The following GPSM1 variants were observed in gnomAD, a reference collection of about 807,000 sequenced individuals.
The protein encoded by GPSM1 is G protein-signaling modulator 1.
GPSM1 carries 48 observed loss-of-function variants against 70.5 expected under a neutral mutation model. The ratio of observed to expected loss-of-function variants is 0.68; its 90% CI spans 0.54 to 0.87. The LOEUF (loss-of-function observed/expected upper bound fraction) is 0.87. Ranked by LOEUF, GPSM1 falls within the 40% of genes least tolerant of loss-of-function variation. GPSM1 has a pLI of 0.00. For missense variants in GPSM1, 981 were observed against 972.6 expected (o/e 1.01, Z -0.11); for synonymous variants, 416 against 430.1 (o/e 0.97, Z 0.41).
chr9:136,345,294 G>C (rs1308083848), intron 9 of GPSM1, among the ~76,000 whole-genome samples: 2 of 152,218 alleles, frequency 1.3e-5, no homozygotes, highest in East Asian at 1.9e-4. Context: ...GCGGTGCTGG[G>C]AGAAGTTTCC....
At chr9:136,335,610 A>G (rs28712661) in intron 2 of GPSM1, among the ~76,000 whole-genome samples, 52,777 of 151,806 alleles carry the variant, frequency 0.35, 10,529 homozygotes, top group Middle Eastern at 0.48. Flanking sequence ...GTTCTCCACC[A>G]TCAGGCCCCC....
chr9:136,337,825 G>T, intron 5 of GPSM1, 21 bp from the exon 6 acceptor site: 2 of 1,571,550 alleles, frequency 1.3e-6, no homozygotes, highest in Non-Finnish European at 1.7e-6. Context: ...TGACCACCTG[G>T]CCTCCGGTGT....
chr9:136,342,803 G>A lies in GPSM1; in HGVS notation c.1207+1810G>A, dbSNP rs987686476. Among the ~76,000 whole-genome samples, 73 of 152,168 alleles carry A rather than the reference G, an allele frequency of 4.8e-4. No individual in the cohort carries two copies. Among genetic ancestry groups the A allele is most frequent in the African/African-American group, 1.7e-3 (70 of 41,526 alleles). ...GAGCCGCGCTAGAGCCTGGCCGTGCGGAGGGGGCGCCAGGGCTGGGGGCAC... is the reference window on the plus strand; with the variant it reads ...GAGCCGCGCTAGAGCCTGGCCGTGCAGAGGGGGCGCCAGGGCTGGGGGCAC... On this transcript the variant is annotated intron_variant, in intron 9 of 13. Coordinates refer to ENST00000440944, the MANE Select transcript of GPSM1 (RefSeq NM_001145638.3). This position sits in a 1 kb window ranked among gnomAD's most constrained non-coding sequence, Gnocchi z 5.5.
Position 136,356,558 on chromosome 9 carries a change from G to A in GPSM1, c.1821+8G>A, listed in dbSNP as rs1206341559. ...ATGCTCATCAAGTACCAGGTGGGCTGCGGCCCTGGGCGGGCGTGGCTCGCG... is the reference window on the plus strand; with the variant it reads ...ATGCTCATCAAGTACCAGGTGGGCTACGGCCCTGGGCGGGCGTGGCTCGCG... On this transcript the variant is annotated splice_region_variant and intron_variant, in intron 13 of 13. Transcript: ENST00000440944. 1 of 1,593,838 alleles carries A rather than the reference G, an allele frequency of 6.3e-7. No homozygotes were observed. The highest frequency in any genetic ancestry group is 8.6e-7 in the Non-Finnish European group (1 of 1,165,426).
intron 1 of GPSM1, 23 bp downstream of exon 1, chr9:136,327,786 C>CG: frequency 9.5e-7 from 1 of 1,050,744 alleles, no homozygotes; most frequent in Non-Finnish European, 1.2e-6. Flanking sequence ...GGGGCCGGGG[C>CG]CGGGGCCGGG....
rs1554770575 is a variant in GPSM1, at chr9:136,342,850, G to T, written c.1207+1857G>T. ...GCACAGGAGGGCGCTGCCCAGCGGG[G>T]TGTGGGCAGGGAGGAGGAAGTCGTC... On this transcript the variant is annotated intron_variant, in intron 9 of 13. Coordinates refer to ENST00000440944, the MANE Select transcript of GPSM1 (RefSeq NM_001145638.3). The surrounding 1 kb of genome is among the most constrained non-coding windows in gnomAD (Gnocchi z 5.5). Among the ~76,000 whole-genome samples, 5 of 152,140 alleles carry T rather than the reference G, an allele frequency of 3.3e-5. No homozygotes were observed. Among genetic ancestry groups the T allele is most frequent in the African/African-American group, 1.2e-4 (5 of 41,432 alleles).
At position 136,340,489 on chromosome 9, in the gene GPSM1, G is replaced by C. The variant is rs1023261690; in HGVS notation, c.1084-381G>C. ...TGACTTAAGCAAACAGTTAGTTCCT[G>C]AGTGATGTGGATGTTCCCGGGAGGG... On this transcript the variant is annotated intron_variant, in intron 8 of 13. Transcript: ENST00000440944. This position sits in a 1 kb window ranked among gnomAD's most constrained non-coding sequence, Gnocchi z 7.3. 2.0e-5 allele frequency among the ~76,000 whole-genome samples: 3 copies of C among 151,968 alleles called. No individual in the cohort carries two copies. The highest frequency in any genetic ancestry group is 7.2e-5 in the African/African-American group (3 of 41,384).
chr9:136,356,481 G>GCAC lies in GPSM1; in HGVS notation c.1754_1756dup (p.His585dup). 6.2e-7 allele frequency: 1 copy of GCAC among 1,611,968 alleles called. No individual in the cohort carries two copies. The highest frequency in any genetic ancestry group is 1.3e-5 in the African/African-American group (1 of 74,978). ...TGCGAATCACCCACAGCAATGCAGG[G>GCAC]CACCTCCGAGGCCACGGCGAGCCCC... is the stretch of plus-strand genomic sequence containing the variant. On this transcript the variant is annotated inframe_insertion, in exon 13 of 14. Coordinates refer to ENST00000440944, the MANE Select transcript of GPSM1 (RefSeq NM_001145638.3).
At position 136,341,122 on chromosome 9, in the gene GPSM1, AG is replaced by A; in HGVS notation, c.1207+130del. The A allele has an allele frequency of 6.5e-7, 1 of 1,550,096 alleles. No individual in the cohort carries two copies. Among genetic ancestry groups the A allele is most frequent in the South Asian group, 1.2e-5 (1 of 84,060 alleles). ...CAGCCGCCAGAAAATGGCGCCTACA[AG>A]CCAGTTCTTCTTGGCCTCAGGGACA... On this transcript the variant is annotated intron_variant, in intron 9 of 13. Transcript: ENST00000440944. This position sits in a 1 kb window ranked among gnomAD's most constrained non-coding sequence, Gnocchi z 6.7.
Position 136,340,151 on chromosome 9 carries a change from C to T in GPSM1, c.1083+336C>T, listed in dbSNP as rs1190088535. 6.6e-6 allele frequency among the ~76,000 whole-genome samples: 1 copy of T among 152,184 alleles called. No individual in the cohort carries two copies. Among genetic ancestry groups the T allele is most frequent in the Non-Finnish European group, 1.5e-5 (1 of 68,022 alleles). On this transcript the variant is annotated intron_variant, in intron 8 of 13. Transcript: ENST00000440944. This position sits in a 1 kb window ranked among gnomAD's most constrained non-coding sequence, Gnocchi z 7.3. ...GAACTGTGGGCCTCCCGGCTCCCGG[C>T]CTGTCCTTACATCACCCACTCCCAC...
Position 136,358,848 on chromosome 9 carries a change from C to G in GPSM1, c.*628C>G, listed in dbSNP as rs1196257113. On this transcript the variant is annotated 3_prime_UTR_variant, in exon 14 of 14. Coordinates refer to ENST00000440944, the MANE Select transcript of GPSM1 (RefSeq NM_001145638.3). ...GCCGAGTCCCAGGGCCCTGCAGGGGCCTCGACAGGAGCCGGGCCTATCTCT... is the reference window on the plus strand; with the variant it reads ...GCCGAGTCCCAGGGCCCTGCAGGGGGCTCGACAGGAGCCGGGCCTATCTCT... 6.5e-6 allele frequency: 1 copy of G among 154,180 alleles called. No homozygotes were observed. Among genetic ancestry groups the G allele is most frequent in the Non-Finnish European group, 1.4e-5 (1 of 69,572 alleles). The allele number at this position is 154,180 out of a possible 1,614,324, so 9.6% of individuals were successfully genotyped here.
rs1554773633 is a variant in GPSM1 at position 136,358,195 on chromosome 9, A to G, written c.2003A>G (p.Gln668Arg). The change falls in exon 14 of 14, where the codon CAG (glutamine) becomes CGG (arginine). Residue 668 changes from glutamine to arginine, a missense_variant. Coordinates refer to ENST00000440944, the MANE Select transcript of GPSM1 (RefSeq NM_001145638.3). ...QGAGGPPEPQ[Q>R]QCQPGAS is the part of the protein sequence containing the mutation. ...GCAGGCGGCCCGCCCGAGCCCCAGC[A>G]GCAGTGCCAGCCTGGTGCGAGCTAA... 1.3e-6 allele frequency: 2 copies of G among 1,559,678 alleles called. No individual in the cohort carries two copies. Among genetic ancestry groups the G allele is most frequent in the South Asian group, 2.3e-5 (2 of 86,412 alleles).
intron 7 of GPSM1, 147 bp from the exon 8 acceptor site, chr9:136,339,560 T>C: frequency 1.6e-6 from 1 of 612,056 alleles, no homozygotes; most frequent in South Asian, 1.9e-5. Context: ...CATTATCCTG[T>C]CATCCGGCCA....
intron 1 of GPSM1, 87 bp from the exon 2 acceptor site, chr9:136,334,360 C>T (rs1038329520): frequency 4.3e-5 from 38 of 875,146 alleles, no homozygotes; most frequent in Non-Finnish European, 6.3e-5. Flanking sequence ...CACCCAGGGG[C>T]GTCGTCTGTA....
At chr9:136,357,557 G>T (rs1448969178) in intron 13 of GPSM1, among the ~76,000 whole-genome samples, 3 of 152,246 alleles carry the variant, frequency 2.0e-5, no homozygotes, top group African/African-American at 7.2e-5. Context: ...GGAAGCCCTG[G>T]GGGGCGCCAC....
intron 11 of GPSM1, chr9:136,354,944 G>C: frequency 9.7e-7 from 1 of 1,034,054 alleles, no homozygotes; most frequent in Non-Finnish European, 1.2e-6. Flanking sequence ...CTGGCCCAGG[G>C]CAGGTGACGG....
chr9:136,344,284 C>G (rs1554770864), intron 9 of GPSM1, among the ~76,000 whole-genome samples: 2 of 151,920 alleles, frequency 1.3e-5, no homozygotes, highest in South Asian at 2.1e-4. Flanking sequence ...ACAGGGGAAG[C>G]AGGCTGCAGC....
chr9:136,348,653 G>A, intron 9 of GPSM1, 44 bp from the exon 10 acceptor site: 2 of 1,461,432 alleles, frequency 1.4e-6, no homozygotes, highest in Non-Finnish European at 1.9e-6. Flanking sequence ...CCCAATGCGA[G>A]GTGCCAGGGT....
In GPSM1 at chr9:136,337,465, G is replaced by T; in HGVS notation, c.603G>T (p.Glu201Asp). 1 of 1,569,368 alleles carries T rather than the reference G, an allele frequency of 6.4e-7. No individual in the cohort carries two copies. The highest frequency in any genetic ancestry group is 8.6e-7 in the Non-Finnish European group (1 of 1,157,464). Residue 201 changes from glutamate to aspartate, a missense_variant, in exon 5 of 14, where the codon GAG becomes GAT. Coordinates refer to ENST00000440944, the MANE Select transcript of GPSM1 (RefSeq NM_001145638.3). ...FYERNLSLVK[E>D]LGDRAAQGRA... The stretch of plus-strand genomic sequence containing the variant: ...GGAGGAACCTGTCCCTGGTGAAGGA[G>T]CTGGGCGACCGTGCGGCGCAGGGCA...
Sources: allele counts gnomAD v4.1 joint callset (sites outside exome capture counted in the v4.1 genomes callset), GRCh38; gene constraint gnomAD v4.1.1; non-coding constraint Gnocchi (gnomAD v3.1); transcripts MANE v1.5; gene names NCBI Gene and HGNC (gene_info 2026-07-23, HGNC 2026-07-21).